TPD52: variants seen among roughly 807,000 people sequenced by gnomAD.
TPD52 encodes prostate and colon associated protein.
A neutral mutation model predicts 31.3 loss-of-function variants in TPD52; 17 were observed. The ratio of observed to expected loss-of-function variants is 0.54; its 90% CI spans 0.37 to 0.82. The LOEUF is 0.82. Among genes scored for constraint, TPD52 ranks in the 40% least tolerant of loss-of-function variants. TPD52 has a pLI of 0.00. For missense variants in TPD52, 212 were observed against 240.1 expected (o/e 0.88, Z 0.77); for synonymous variants, 83 against 89.6 (o/e 0.93, Z 0.42).
At position 80,072,652 on chromosome 8, in the gene TPD52, GAT is replaced by G. The variant is rs1041865977; in HGVS notation, c.20-8061_20-8060del. ...ATATGCGTGTATATACATGTACACA[GAT>G]ATGTGTGTATATACATGTACACATA... On this transcript the variant is annotated intron_variant, in intron 1 of 7. Transcript: ENST00000518937. 4.0e-4 allele frequency among the ~76,000 whole-genome samples: 24 copies of G among 60,060 alleles called. 7 individuals are homozygous for G. The highest frequency in any genetic ancestry group is 9.7e-4 in the Admixed American group (5 of 5,166). The allele number at this position is 60,060 out of a possible 152,430, so 39.4% of individuals were successfully genotyped here.
chr8:80,109,361 T>G (rs1807349022), intron 1 of TPD52, among the ~76,000 whole-genome samples: 1 of 152,218 alleles, frequency 6.6e-6, no homozygotes, highest in Admixed American at 6.5e-5. Flanking sequence ...AGGCCAAGTC[T>G]GATGAGACAA....
rs1435977489 is a variant in TPD52, at chr8:80,050,483, C to T, written c.387-12G>A. 6.2e-7 allele frequency: 1 copy of T among 1,600,314 alleles called. No homozygotes were observed. Among genetic ancestry groups the T allele is most frequent in the Non-Finnish European group, 8.5e-7 (1 of 1,173,926 alleles). On this transcript the variant is annotated splice_polypyrimidine_tract_variant and intron_variant, in intron 4 of 7. Coordinates refer to ENST00000518937, the MANE Select transcript of TPD52 (RefSeq NM_001025253.3). The stretch of plus-strand genomic sequence containing the variant: ...AAAAGGCTTGCAATCTGTAAGAAGC[C>T]AGAGTAAGCATTAAAAAAGAAAGAA...
At chr8:80,040,096 A>G (rs1810230645) in intron 7 of TPD52, among the ~76,000 whole-genome samples, 1 of 152,028 alleles carries the variant, frequency 6.6e-6, no homozygotes, top group African/African-American at 2.4e-5. Flanking sequence ...GTTTAATTAA[A>G]TATAAATGTA....
At chr8:80,127,787 A>AACACACACACACACACACACAC in intron 1 of TPD52, 1 of 139,448 alleles carries the variant, frequency 7.2e-6, no homozygotes, top group Non-Finnish European at 1.5e-5. Flanking sequence ...TTTCTAAATA[A>AACACACACACACACACACACAC]ACACACACAC....
At chr8:80,091,447 C>T (rs1278277625) in intron 1 of TPD52, among the ~76,000 whole-genome samples, 2 of 141,938 alleles carry the variant, frequency 1.4e-5, no homozygotes, top group East Asian at 2.1e-4. Context: ...CCAGCCTGGG[C>T]GACAGAGACT....
At chr8:80,088,815 C>A (rs1430007000) in intron 1 of TPD52, among the ~76,000 whole-genome samples, 1 of 152,170 alleles carries the variant, frequency 6.6e-6, no homozygotes, top group Non-Finnish European at 1.5e-5. Flanking sequence ...GGGATGCTCA[C>A]GCAAAAGGCC....
At chr8:80,132,823 G>A (rs1297088711) in intron 1 of TPD52, among the ~76,000 whole-genome samples, 1 of 152,120 alleles carries the variant, frequency 6.6e-6, no homozygotes, top group African/African-American at 2.4e-5. Flanking sequence ...AAAGAAACAT[G>A]GGTCTCCTGC....
chr8:80,157,195 CA>C (rs769709281), intron 1 of TPD52, among the ~76,000 whole-genome samples: 3 of 151,778 alleles, frequency 2.0e-5, no homozygotes, highest in Non-Finnish European at 4.4e-5. Context: ...ATGTCATCTG[CA>C]GTGACCACAG....
At chr8:80,143,623 C>CT (rs1809991011) in intron 1 of TPD52, among the ~76,000 whole-genome samples, 1 of 152,162 alleles carries the variant, frequency 6.6e-6, no homozygotes, top group African/African-American at 2.4e-5. Context: ...TCATTTCTCT[C>CT]TTTTTTTAAG....
chr8:80,156,757 G>A (rs1425724295), intron 1 of TPD52, among the ~76,000 whole-genome samples: 1 of 152,168 alleles, frequency 6.6e-6, no homozygotes, highest in Non-Finnish European at 1.5e-5. Flanking sequence ...CCAAGGCTGT[G>A]GGGATGCCAA....
At chr8:80,110,976 TGGAA>T (rs1316548525) in intron 1 of TPD52, among the ~76,000 whole-genome samples, 1 of 152,028 alleles carries the variant, frequency 6.6e-6, no homozygotes, top group African/African-American at 2.4e-5. Context: ...GAGGGTGAGG[TGGAA>T]GGATCACTTG....
At chr8:80,128,578 T>C (rs1808799954) in intron 1 of TPD52, among the ~76,000 whole-genome samples, 1 of 151,412 alleles carries the variant, frequency 6.6e-6, no homozygotes, top group African/African-American at 2.4e-5. Flanking sequence ...GGAAGACTGC[T>C]TGAGCCCACG....
chr8:80,034,007 C>T (rs1809761791), downstream of TPD52, among the ~76,000 whole-genome samples: 1 of 152,114 alleles, frequency 6.6e-6, no homozygotes, highest in African/African-American at 2.4e-5. Context: ...TAGGAACCTG[C>T]CTCCTGCCAC....
At chr8:80,077,512 T>TAAGCCTTGA (rs1814722568) in intron 1 of TPD52, among the ~76,000 whole-genome samples, 1 of 152,146 alleles carries the variant, frequency 6.6e-6, no homozygotes, top group South Asian at 2.1e-4. Context: ...AAGGAGAACT[T>TAAGCCTTGA]AAGCCTTGAA....
In TPD52 at chr8:80,044,207, T is replaced by C. The variant is rs1472906552; in HGVS notation, c.415A>G (p.Ile139Val). 1 of 1,579,782 alleles carries C rather than the reference T, an allele frequency of 6.3e-7. No individual in the cohort carries two copies. The change falls in exon 6 of 8, where the codon ATA becomes GTA. Residue 139 changes from isoleucine to valine, a missense_variant and splice_region_variant. Coordinates refer to ENST00000518937, the MANE Select transcript of TPD52 (RefSeq NM_001025253.3). ...CTAATTGAATGCTGAATGGAACGTA[T>C]ACTAAGAGGCAGCATTAAAAAGAGA... ...KLQAFSHSFS[I>V]RSIQHSISMP...
chr8:80,075,869 T>C (rs1208286261), intron 1 of TPD52, among the ~76,000 whole-genome samples: 3 of 152,152 alleles, frequency 2.0e-5, no homozygotes, highest in African/African-American at 4.8e-5. Flanking sequence ...GATGCAATCA[T>C]GAAAAACTTT....
At position 80,042,613 on chromosome 8, in the gene TPD52, T is replaced by C. The variant is rs549296866; in HGVS notation, c.504+7A>G. The C allele has an allele frequency of 8.7e-6, 14 of 1,611,074 alleles. No individual in the cohort carries two copies. In the East Asian group the frequency reaches 2.5e-4, roughly 28 times the overall value. ...ATCAAAAAGACCCTGTTCATCTCTC[T>C]ACTTGCCTTTAAGTTTTCGACCTTT... On this transcript the variant is annotated splice_region_variant and intron_variant, in intron 7 of 7. Coordinates refer to ENST00000518937, the MANE Select transcript of TPD52 (RefSeq NM_001025253.3).
intron 1 of TPD52, among the ~76,000 whole-genome samples, chr8:80,143,683 A>G (rs1312073186): frequency 6.6e-6 from 1 of 152,234 alleles, no homozygotes; most frequent in Non-Finnish European, 1.5e-5. Flanking sequence ...CCAACTGATC[A>G]ATCAAAAATT....
intron 1 of TPD52, among the ~76,000 whole-genome samples, chr8:80,110,560 AAAGTAT>A (rs1414333848): frequency 2.0e-5 from 3 of 150,696 alleles, no homozygotes; most frequent in African/African-American, 7.3e-5. Context: ...CCTAAAACTT[AAAGTAT>A]AATAATAATA....
Sources: gnomAD v4.1 joint callset for allele counts (sites outside exome capture counted in the v4.1 genomes callset) on GRCh38, gnomAD v4.1.1 for gene constraint, MANE v1.5 for transcripts, NCBI Gene and HGNC (gene_info 2026-07-23, HGNC 2026-07-21) for gene names.